The following DEPTOR variants were observed in gnomAD, a reference collection of about 807,000 sequenced individuals.
The protein encoded by DEPTOR is DEP domain containing MTOR interacting protein, also known as DEP domain-containing mTOR-interacting protein.
A neutral mutation model predicts 41.6 loss-of-function variants in DEPTOR; 41 were observed. That is an observed-to-expected ratio of 0.98 (90% CI 0.77 to 1.28). The LOEUF is 1.28. Ranked by LOEUF, DEPTOR falls within the 50% of genes most tolerant of loss-of-function variation. DEPTOR has a pLI of 0.00. For synonymous variants in DEPTOR, 195 were observed against 192.3 expected (o/e 1.01, Z -0.12); for missense variants, 514 against 527.9 (o/e 0.97, Z 0.26).
chr8:120,025,878 T>C (rs1369272194), intron 8 of DEPTOR, among the ~76,000 whole-genome samples: 1 of 151,994 alleles, frequency 6.6e-6, no homozygotes, highest in Non-Finnish European at 1.5e-5. Context: ...CACTGCATCC[T>C]TACCTTGGCC....
intron 4 of DEPTOR, among the ~76,000 whole-genome samples, chr8:119,986,562 G>A (rs1828833135): frequency 1.3e-5 from 2 of 152,028 alleles, no homozygotes; most frequent in Admixed American, 1.3e-4. Context: ...TCCTGAATTT[G>A]AATGTTGGCC....
chr8:119,983,209 A>C (rs1828788740), intron 4 of DEPTOR, among the ~76,000 whole-genome samples: 1 of 152,008 alleles, frequency 6.6e-6, no homozygotes, highest in African/African-American at 2.4e-5. Flanking sequence ...TAAGGGAGCT[A>C]TCTGTACTAT....
intron 1 of DEPTOR, among the ~76,000 whole-genome samples, chr8:119,910,833 C>T (rs1827727008): frequency 6.6e-6 from 1 of 152,070 alleles, no homozygotes; most frequent in Admixed American, 6.6e-5. Context: ...CCAAAGATGG[C>T]CTAAACATTT....
intron 8 of DEPTOR, among the ~76,000 whole-genome samples, chr8:120,014,049 G>A (rs1363439489): frequency 6.6e-6 from 1 of 152,040 alleles, no homozygotes; most frequent in Non-Finnish European, 1.5e-5. Flanking sequence ...ATGTTGGCTA[G>A]GCTTGACCAA....
chr8:119,938,502 ATC>A (rs1043279971), intron 3 of DEPTOR, among the ~76,000 whole-genome samples: 7 of 151,986 alleles, frequency 4.6e-5, no homozygotes, highest in Non-Finnish European at 1.0e-4. Context: ...TGAAATCTGT[ATC>A]TTTCTTTTTT....
intron 1 of DEPTOR, among the ~76,000 whole-genome samples, chr8:119,891,785 G>A (rs1262661034): frequency 7.0e-6 from 1 of 142,758 alleles, no homozygotes; most frequent in Non-Finnish European, 1.5e-5. Context: ...CCTCCACTCA[G>A]AGAGAGTCCC....
At chr8:119,966,325 G>T (rs78780278) in intron 4 of DEPTOR, among the ~76,000 whole-genome samples, 5,448 of 152,220 alleles carry the variant, frequency 0.036, 106 homozygotes, top group African/African-American at 0.052. Context: ...AATTAGCTGG[G>T]TGTTGTGGTG....
intron 8 of DEPTOR, among the ~76,000 whole-genome samples, chr8:120,034,264 T>TACACAC (rs71571645): frequency 0.033 from 4,841 of 145,316 alleles, 147 homozygotes; most frequent in Admixed American, 0.099. Flanking sequence ...GCAAAGCATG[T>TACACAC]ACACACACAC....
chr8:119,976,306 T>C (rs987175198), intron 4 of DEPTOR, among the ~76,000 whole-genome samples: 1 of 152,202 alleles, frequency 6.6e-6, no homozygotes, highest in Non-Finnish European at 1.5e-5. Flanking sequence ...GTAAATGTTT[T>C]AAGGATAGAG....
chr8:119,887,442 CT>C (rs1330237718), intron 1 of DEPTOR, among the ~76,000 whole-genome samples: 4 of 2,066 alleles, frequency 1.9e-3, no homozygotes, highest in Non-Finnish European at 3.5e-3. Context: ...CCCCTCCCCC[CT>C]CCCCTCCCGT....
intron 3 of DEPTOR, among the ~76,000 whole-genome samples, chr8:119,940,781 T>C (rs949607398): frequency 6.6e-6 from 1 of 152,142 alleles, no homozygotes; most frequent in African/African-American, 2.4e-5. Context: ...AGAAAAATTA[T>C]TCTGACACAT....
intron 8 of DEPTOR, among the ~76,000 whole-genome samples, chr8:120,012,156 G>A (rs1274185993): frequency 6.6e-6 from 1 of 152,172 alleles, no homozygotes; most frequent in Non-Finnish European, 1.5e-5. Context: ...CAGTGTTGTT[G>A]TTAAGATATA....
At chr8:120,020,502 A>G (rs1812684668) in intron 8 of DEPTOR, among the ~76,000 whole-genome samples, 1 of 152,048 alleles carries the variant, frequency 6.6e-6, no homozygotes. Context: ...CAGCCTCCCA[A>G]GTAGCTGGGA....
chr8:120,004,862 G>C (rs1226200495), intron 6 of DEPTOR, among the ~76,000 whole-genome samples: 2 of 151,788 alleles, frequency 1.3e-5, no homozygotes, highest in African/African-American at 4.8e-5. Flanking sequence ...AGATGATCAG[G>C]CCTTCACAGT....
chr8:119,958,415 T>C (rs945928687), intron 3 of DEPTOR, among the ~76,000 whole-genome samples: 10 of 152,158 alleles, frequency 6.6e-5, no homozygotes, highest in African/African-American at 2.4e-4. Context: ...ACCTTAGAAG[T>C]TGCATAATGT....
At chr8:119,976,318 A>G (rs1364826195) in intron 4 of DEPTOR, among the ~76,000 whole-genome samples, 2 of 152,262 alleles carry the variant, frequency 1.3e-5, no homozygotes, top group Middle Eastern at 3.4e-3. Context: ...AGGATAGAGA[A>G]GTTGTTTTGT....
intron 8 of DEPTOR, among the ~76,000 whole-genome samples, chr8:120,042,409 C>A (rs567370734): frequency 6.6e-6 from 1 of 152,308 alleles, no homozygotes; most frequent in East Asian, 1.9e-4. Flanking sequence ...ATTTCTAGAT[C>A]ATTTTGTACA....
chr8:119,910,133 A>G (rs555809805), intron 1 of DEPTOR, among the ~76,000 whole-genome samples: 38 of 152,354 alleles, frequency 2.5e-4, no homozygotes, highest in African/African-American at 8.2e-4. Flanking sequence ...ATACAGGCAT[A>G]TACCAAGAGT....
intron 4 of DEPTOR, among the ~76,000 whole-genome samples, chr8:119,995,349 G>A (rs1236957698): frequency 6.6e-6 from 1 of 152,158 alleles, no homozygotes; most frequent in Non-Finnish European, 1.5e-5. Flanking sequence ...CACTTTGGGA[G>A]GCAAGGCGAG....
Sources: allele counts gnomAD v4.1 joint callset (sites outside exome capture counted in the v4.1 genomes callset), GRCh38; gene constraint gnomAD v4.1.1; transcripts MANE v1.5; gene names NCBI Gene and HGNC (gene_info 2026-07-23, HGNC 2026-07-21).